The following PATJ variants were observed in gnomAD, a reference collection of about 807,000 sequenced individuals.
The protein encoded by PATJ is inaD-like protein.
A neutral mutation model predicts 224.9 loss-of-function variants in PATJ; 190 were observed. That is an observed-to-expected ratio of 0.84 (90% CI 0.75 to 0.95). The LOEUF (loss-of-function observed/expected upper bound fraction) is 0.95. Among genes scored for constraint, PATJ ranks in the 40% least tolerant of loss-of-function variants. The probability of loss-of-function intolerance (pLI) is 0.00; values close to 1 mark genes in which losing one functional copy is unlikely to be tolerated. For missense variants in PATJ, 2,121 were observed against 2,270.3 expected (o/e 0.93, Z 1.34); for synonymous variants, 769 against 820.3 (o/e 0.94, Z 1.07).
At chr1:61,960,526 G>A (rs1444156910) in intron 27 of PATJ, among the ~76,000 whole-genome samples, 1 of 151,972 alleles carries the variant, frequency 6.6e-6, no homozygotes, top group Admixed American at 6.6e-5. Context: ...AGCCAGGTAT[G>A]GTGGTGGGCA....
chr1:61,813,996 G>A (rs1431702996), intron 14 of PATJ, among the ~76,000 whole-genome samples: 4 of 151,846 alleles, frequency 2.6e-5, no homozygotes. Flanking sequence ...AACTTCCAAA[G>A]GTCTTTTTCT....
intron 20 of PATJ, among the ~76,000 whole-genome samples, chr1:61,872,465 G>A (rs1285012946): frequency 6.6e-6 from 1 of 152,110 alleles, no homozygotes; most frequent in East Asian, 1.9e-4. Flanking sequence ...CCATCCAGAG[G>A]CAAAACTCCT....
At chr1:61,771,796 T>C (rs1257011025) in intron 6 of PATJ, among the ~76,000 whole-genome samples, 170 bp downstream of exon 6, 1 of 152,020 alleles carries the variant, frequency 6.6e-6, no homozygotes, top group Non-Finnish European at 1.5e-5. Flanking sequence ...CTTGGCTCAC[T>C]GCAACCTCCA....
Position 62,038,072 on chromosome 1 carries a change from C to G in PATJ, c.4032+23C>G, listed in dbSNP as rs763278105. ...GAGGTAAGGTTGTTTCTAATTAGCT[C>G]TTAGTATATTAGATGGATTTGTCAT... On this transcript the variant is annotated intron_variant, in intron 30 of 43. Coordinates refer to ENST00000642238, the MANE Select transcript of PATJ (RefSeq NM_001350145.3). 16 of 1,434,708 alleles carry G rather than the reference C, an allele frequency of 1.1e-5. 1 individual carries two copies. The East Asian group carries it at 3.7e-4, about 33-fold the overall frequency. The allele number at this position is 1,434,708 out of a possible 1,614,324, so 88.9% of individuals were successfully genotyped here.
chr1:61,982,582 T>C (rs1644509125), intron 27 of PATJ, among the ~76,000 whole-genome samples: 2 of 152,064 alleles, frequency 1.3e-5, no homozygotes, highest in Non-Finnish European at 2.9e-5. Flanking sequence ...TGTGACCATG[T>C]GAGGATTCTG....
At chr1:61,952,074 C>CTGT (rs1679764681) in intron 27 of PATJ, 12 of 334,370 alleles carry the variant, frequency 3.6e-5, no homozygotes, top group Non-Finnish European at 1.1e-5. Context: ...CAGCGTGAAG[C>CTGT]ATCCAAGGGT....
intron 14 of PATJ, among the ~76,000 whole-genome samples, chr1:61,820,217 T>C (rs34458035): frequency 0.04 from 6,031 of 152,004 alleles, 144 homozygotes; most frequent in Middle Eastern, 0.061. Flanking sequence ...AATTTTTATA[T>C]TTTTAGTAGA....
intron 27 of PATJ, among the ~76,000 whole-genome samples, chr1:61,955,199 G>A (rs1398735690): frequency 6.6e-6 from 1 of 152,112 alleles, no homozygotes; most frequent in African/African-American, 2.4e-5. Context: ...TTATCCATTG[G>A]TTGGTGGAAG....
At chr1:62,118,274 ATAGT>A (rs1664674176) in intron 37 of PATJ, among the ~76,000 whole-genome samples, 2 of 151,968 alleles carry the variant, frequency 1.3e-5, no homozygotes, top group Non-Finnish European at 2.9e-5. Flanking sequence ...CCATGAGTTA[ATAGT>A]TAGTGATGAT....
chr1:61,918,470 G>A (rs1673787374), intron 26 of PATJ, among the ~76,000 whole-genome samples: 1 of 151,716 alleles, frequency 6.6e-6, no homozygotes, highest in Non-Finnish European at 1.5e-5. Flanking sequence ...ACCATGCCTG[G>A]CTAAATTTTT....
intron 20 of PATJ, among the ~76,000 whole-genome samples, chr1:61,873,822 T>TG (rs1293807859): frequency 2.6e-5 from 4 of 152,116 alleles, no homozygotes; most frequent in Non-Finnish European, 1.5e-5. Flanking sequence ...ACCCATGCAC[T>TG]GGGGGGAATG....
At chr1:61,886,100 C>T (rs1292702116) in intron 22 of PATJ, among the ~76,000 whole-genome samples, 1 of 151,694 alleles carries the variant, frequency 6.6e-6, no homozygotes, top group Non-Finnish European at 1.5e-5. Flanking sequence ...ATGGGTGCAG[C>T]ACACCAGCAT....
chr1:61,992,269 C>T (rs1366800075), intron 28 of PATJ, among the ~76,000 whole-genome samples: 1 of 152,104 alleles, frequency 6.6e-6, no homozygotes, highest in African/African-American at 2.4e-5. Context: ...AGGCAAGTGC[C>T]ACCATGCCCA....
rs540172741 is a variant in PATJ at position 62,066,867 on chromosome 1, C to T, written c.4126-12583C>T. Among the ~76,000 whole-genome samples the T allele has an allele frequency of 2.0e-5, 3 of 152,230 alleles. 1 individual carries two copies. The highest frequency in any genetic ancestry group is 7.2e-5 in the African/African-American group (3 of 41,534). On this transcript the variant is annotated intron_variant, in intron 31 of 43. Transcript: ENST00000642238. ...GGGTGAATTCATAGAGGTGTGGACA[C>T]AGTCCTTGTTTACTGATCCACCTCT... is the stretch of plus-strand genomic sequence containing the variant.
chr1:61,919,532 T>C (rs979410484), intron 26 of PATJ, among the ~76,000 whole-genome samples: 25 of 152,062 alleles, frequency 1.6e-4, no homozygotes, highest in Non-Finnish European at 1.0e-4. Context: ...CTCAAACTTC[T>C]GGGCTAAAGC....
At chr1:61,921,934 A>G (rs1387063350) in intron 26 of PATJ, among the ~76,000 whole-genome samples, 1 of 152,202 alleles carries the variant, frequency 6.6e-6, no homozygotes, top group Non-Finnish European at 1.5e-5. Flanking sequence ...ACTTCAATAT[A>G]TTGAATTAAA....
chr1:61,794,860 C>T (rs924430355), intron 9 of PATJ, among the ~76,000 whole-genome samples: 9 of 151,824 alleles, frequency 5.9e-5, no homozygotes, highest in Non-Finnish European at 1.0e-4. Flanking sequence ...TGGTGGTGGG[C>T]GCCTGTAATT....
chr1:61,867,597 A>G (rs944737164), intron 20 of PATJ, among the ~76,000 whole-genome samples: 1 of 141,962 alleles, frequency 7.0e-6, no homozygotes, highest in African/African-American at 2.7e-5. Context: ...TTTTTTGCCA[A>G]TTCTCACGTA....
intron 14 of PATJ, among the ~76,000 whole-genome samples, chr1:61,812,704 C>T (rs1655122526): frequency 6.6e-6 from 1 of 151,838 alleles, no homozygotes; most frequent in African/African-American, 2.4e-5. Context: ...CAAAAATTAG[C>T]CAGGCATGGT....
Sources: allele counts gnomAD v4.1 joint callset (sites outside exome capture counted in the v4.1 genomes callset), GRCh38; gene constraint gnomAD v4.1.1; transcripts MANE v1.5; gene names NCBI Gene and HGNC (gene_info 2026-07-23, HGNC 2026-07-21).